BNIP2: variants seen among roughly 807,000 people sequenced by gnomAD.
BNIP2 encodes the protein BCL2 interacting protein 2, also known as BCL2/adenovirus E1B 19 kDa protein-interacting protein 2.
BNIP2 carries 36 observed loss-of-function variants against 43.4 expected under a neutral mutation model. The ratio of observed to expected loss-of-function variants is 0.83; its 90% CI spans 0.64 to 1.10. BNIP2 has a LOEUF of 1.10. Among genes scored for constraint, BNIP2 ranks in the 50% least tolerant of loss-of-function variants. The probability of loss-of-function intolerance (pLI) is 0.00; values close to 1 mark genes in which losing one functional copy is unlikely to be tolerated. For missense variants in BNIP2, 417 were observed against 374.1 expected (o/e 1.11, Z -0.95); for synonymous variants, 146 against 121.0 (o/e 1.21, Z -1.35).
At position 59,677,916 on chromosome 15, in the gene BNIP2, T is replaced by C. The variant is rs780812129; in HGVS notation, c.467A>G (p.His156Arg). 2.5e-6 allele frequency: 4 copies of C among 1,605,020 alleles called. No individual in the cohort carries two copies. The African/African-American group carries it at 5.4e-5, about 22-fold the overall frequency. Residue 156 changes from histidine to arginine, a missense_variant, in exon 5 of 10, where the codon CAT (histidine) becomes CGT (arginine). His to Arg is a conservative substitution (Grantham distance 29). Coordinates refer to ENST00000607373, the MANE Select transcript of BNIP2 (RefSeq NM_004330.4). Reference protein sequence around the residue: ...AIEPYKKVISHGGYYGDGLNA... With the variant: ...AIEPYKKVISRGGYYGDGLNA... ...AAATCCTCAGTAACTCTTACCCCCA[T>C]GGCTGATAACTTTTTTATAGGGTTC...
intron 1 of BNIP2, among the ~76,000 whole-genome samples, chr15:59,685,958 G>T (rs1327897186): frequency 1.3e-5 from 2 of 151,070 alleles, no homozygotes; most frequent in Non-Finnish European, 3.0e-5. Context: ...ATTTTTTTTT[G>T]GAAATTAGAA....
chr15:59,668,977 G>C lies in BNIP2; in HGVS notation c.808C>G (p.Gln270Glu). The C allele has an allele frequency of 6.2e-7, 1 of 1,612,948 alleles. No homozygotes were observed. The highest frequency in any genetic ancestry group is 1.1e-5 in the South Asian group (1 of 90,864). ...AAATTAAACACGTATCTAATTTTTT[G>C]GCTGAATTTCGAGCTATGGAAGAAA... Reference protein sequence around the residue: ...TRPFISSKFSQKIRYVFNLAE... With the variant: ...TRPFISSKFSEKIRYVFNLAE... The change falls in exon 9 of 10, where the codon CAA becomes GAA. Residue 270 changes from glutamine (Q) to glutamate (E), a missense_variant. Physicochemically the swap from Gln to Glu is conservative, Grantham distance 29 (BLOSUM62 2). Transcript: ENST00000607373.
intron 5 of BNIP2, among the ~76,000 whole-genome samples, chr15:59,673,393 C>T (rs965026663): frequency 4.0e-5 from 6 of 151,118 alleles, no homozygotes; most frequent in Admixed American, 6.6e-5. Flanking sequence ...GGATTACAGG[C>T]GTGAGCCACC....
chr15:59,676,913 TA>T, intron 5 of BNIP2: 1 of 1,605,320 alleles, frequency 6.2e-7, no homozygotes, highest in Middle Eastern at 1.7e-4. Context: ...GCTGGCAGCC[TA>T]CGGACTCTTC....
Position 59,689,269 on chromosome 15 carries a change from C to A in BNIP2, c.-192G>T, listed in dbSNP as rs776205560. 1.3e-6 allele frequency: 2 copies of A among 1,545,030 alleles called. No homozygotes were observed. Among genetic ancestry groups the A allele is most frequent in the Non-Finnish European group, 1.7e-6 (2 of 1,146,280 alleles). On this transcript the variant is annotated 5_prime_UTR_variant, in exon 1 of 10. Coordinates refer to ENST00000607373, the MANE Select transcript of BNIP2 (RefSeq NM_004330.4). ...TCGGCGGTGGAGACCCCGGCCCAAT[C>A]CCCCGGCCGCAGCGGTACGGCGTCG...
chr15:59,687,941 C>T (rs1245039630), intron 1 of BNIP2, among the ~76,000 whole-genome samples: 3 of 152,216 alleles, frequency 2.0e-5, no homozygotes, highest in Non-Finnish European at 4.4e-5. Flanking sequence ...AGCACACCGT[C>T]TCCAGTGCAC....
intron 1 of BNIP2, among the ~76,000 whole-genome samples, chr15:59,686,382 C>A (rs1894014556): frequency 6.7e-6 from 1 of 150,246 alleles, no homozygotes; most frequent in South Asian, 2.2e-4. Context: ...AGATCTGTCT[C>A]TACAATTTTT....
chr15:59,668,789 G>C, intron 9 of BNIP2, 103 bp downstream of exon 9: 1 of 1,086,386 alleles, frequency 9.2e-7, no homozygotes, highest in East Asian at 2.6e-5. Context: ...CGCGCGCACA[G>C]TTATAAAATA....
rs1893737321 is a variant in BNIP2, at chr15:59,682,340, G to A, written c.50+68C>T. On this transcript the variant is annotated intron_variant, in intron 2 of 9. Coordinates refer to ENST00000607373, the MANE Select transcript of BNIP2 (RefSeq NM_004330.4). ...AGACTCCGTCTCAAAAAAAAAAAAAGTAACATCTCGATAAAGAAATTTTGA... is the reference window on the plus strand; with the variant it reads ...AGACTCCGTCTCAAAAAAAAAAAAAATAACATCTCGATAAAGAAATTTTGA... 9 of 1,385,168 alleles carry A rather than the reference G, an allele frequency of 6.5e-6. No individual in the cohort carries two copies. In the Admixed American group the frequency reaches 8.4e-5, roughly 13 times the overall value. 85.8% of individuals were successfully genotyped at this position (1,385,168 alleles called of 1,614,324 possible). A position where few individuals can be genotyped will look rare whatever the true frequency, so the allele number is the denominator to read the frequency against.
chr15:59,681,780 A>C (rs879754546), intron 2 of BNIP2, among the ~76,000 whole-genome samples: 35 of 152,166 alleles, frequency 2.3e-4, no homozygotes, highest in Non-Finnish European at 1.5e-4. Flanking sequence ...AGACAACTAA[A>C]GACCTCCTTC....
intron 9 of BNIP2, among the ~76,000 whole-genome samples, chr15:59,666,298 C>T (rs1262298668): frequency 4.6e-5 from 7 of 152,180 alleles, no homozygotes; most frequent in Admixed American, 6.5e-5. Flanking sequence ...TAGCTTCATA[C>T]TCTTCTTAGC....
chr15:59,671,595 C>G (rs1892927517), intron 6 of BNIP2, among the ~76,000 whole-genome samples: 1 of 152,134 alleles, frequency 6.6e-6, no homozygotes. Flanking sequence ...GTTGAAGTGA[C>G]TGATACATGA....
intron 1 of BNIP2, among the ~76,000 whole-genome samples, chr15:59,684,084 A>G (rs1893866663): frequency 6.6e-6 from 1 of 152,260 alleles, no homozygotes. Flanking sequence ...CAAAATTACA[A>G]TGGAAATATC....
intron 8 of BNIP2, 56 bp from the exon 9 acceptor site, chr15:59,669,046 C>A (rs564193293): frequency 5.7e-6 from 8 of 1,408,200 alleles, no homozygotes; most frequent in Non-Finnish European, 6.9e-6. Flanking sequence ...ACAATGGATA[C>A]AATGTTTACA....
rs573886539 is a variant in BNIP2 at position 59,674,421 on chromosome 15, G to C, written c.473-1682C>G. Among the ~76,000 whole-genome samples, 255 of 152,266 alleles carry C rather than the reference G, an allele frequency of 1.7e-3. 2 individuals carry two copies. Among genetic ancestry groups the C allele is most frequent in the African/African-American group, 5.9e-3 (245 of 41,554 alleles). ...AAAGTGCTATTTCTGAAAGATAAGA[G>C]ATTTAAGCCATAAATCAGGTCTTAT... On this transcript the variant is annotated intron_variant, in intron 5 of 9. Coordinates refer to ENST00000607373, the MANE Select transcript of BNIP2 (RefSeq NM_004330.4).
intron 5 of BNIP2, among the ~76,000 whole-genome samples, chr15:59,675,763 C>T (rs1893243774): frequency 6.6e-6 from 1 of 152,130 alleles, no homozygotes; most frequent in African/African-American, 2.4e-5. Context: ...TTTATCCAAG[C>T]AATGGAAAAC....
rs1313534960 is a variant in BNIP2 at position 59,679,592 on chromosome 15, C to G, written c.295G>C (p.Asp99His). The G allele has an allele frequency of 6.2e-7, 1 of 1,610,778 alleles. No individual in the cohort carries two copies. The change falls in exon 4 of 10, where the codon GAT becomes CAT. Residue 99 changes from aspartate to histidine, a missense_variant and splice_region_variant. Coordinates refer to ENST00000607373, the MANE Select transcript of BNIP2 (RefSeq NM_004330.4). Reference sequence around the variant, plus strand: ...AGATTAAAAACAGTGAAACATTTACCTTCCCACTCAAACTCATTACTATTC... The same window carrying G: ...AGATTAAAAACAGTGAAACATTTACGTTCCCACTCAAACTCATTACTATTC... The part of the protein sequence containing the change: ...SENSNEFEWE[D>H]DLPKPKTTEV...
chr15:59,683,300 G>C (rs1365972854), intron 1 of BNIP2, among the ~76,000 whole-genome samples: 4 of 152,114 alleles, frequency 2.6e-5, no homozygotes, highest in African/African-American at 9.7e-5. Context: ...TAGAAGTTGA[G>C]GTAAGGTAAA....
At chr15:59,668,070 T>A in intron 9 of BNIP2, 1 of 1,280,724 alleles carries the variant, frequency 7.8e-7, no homozygotes. Context: ...AATGGACTAG[T>A]CTAGATGCAA....
Sources: allele counts gnomAD v4.1 joint callset (sites outside exome capture counted in the v4.1 genomes callset), GRCh38; gene constraint gnomAD v4.1.1; transcripts MANE v1.5; gene names NCBI Gene and HGNC (gene_info 2026-07-23, HGNC 2026-07-21).